Variants in MAPK10 observed in about 807,000 individuals in gnomAD.
MAPK10 encodes the protein mitogen-activated protein kinase 10, also known as JNK3 alpha protein kinase.
In MAPK10, 25 loss-of-function variants were observed where a neutral mutation model predicts 59.3. That is an observed-to-expected ratio of 0.42 (90% CI 0.31 to 0.59). The LOEUF is 0.59. MAPK10 is among the 20% of genes least tolerant of loss of function. The pLI is 0.15. For synonymous variants in MAPK10, 190 were observed against 200.5 expected, an observed-to-expected ratio of 0.95 and a Z score of 0.44; for missense variants, 351 against 568.9, an observed-to-expected ratio of 0.62 and a Z score of 3.90.
In MAPK10 at chr4:86,442,146, A is replaced by T. The variant is rs370893010; in HGVS notation, c.-122+10884T>A. On this transcript the variant is annotated intron_variant, in intron 1 of 13. Transcript: ENST00000361569. ...TTCATGGCATTTTTCAAATAAAATG[A>T]CAGCTAGAGTAAAGAATGCGAATAG... is the stretch of plus-strand genomic sequence containing the variant. 1.7e-4 allele frequency among the ~76,000 whole-genome samples: 26 copies of T among 152,328 alleles called. No individual in the cohort carries two copies. In the East Asian group the frequency reaches 3.3e-3, roughly 19 times the overall value.
intron 1 of MAPK10, among the ~76,000 whole-genome samples, chr4:86,577,711 C>A (rs755133954): frequency 6.6e-6 from 1 of 152,124 alleles, no homozygotes; most frequent in Non-Finnish European, 1.5e-5. Context: ...AATCCAAATA[C>A]TCTATGCAAC....
intron 9 of MAPK10, among the ~76,000 whole-genome samples, chr4:86,079,274 C>T (rs1000040569): frequency 3.3e-5 from 5 of 152,154 alleles, no homozygotes; most frequent in African/African-American, 4.8e-5. Flanking sequence ...CATGGAATAT[C>T]CAAAGGCTGT....
At chr4:86,351,208 G>A (rs1731147274) in intron 2 of MAPK10, among the ~76,000 whole-genome samples, 1 of 151,260 alleles carries the variant, frequency 6.6e-6, no homozygotes, top group African/African-American at 2.4e-5. Flanking sequence ...TACAATACCT[G>A]GACTTTATAA....
At chr4:86,366,760 C>T (rs1677273520) in intron 1 of MAPK10, among the ~76,000 whole-genome samples, 1 of 152,152 alleles carries the variant, frequency 6.6e-6, no homozygotes. Context: ...AATGAAGGTG[C>T]TGAAGAACAC....
chr4:86,089,206 G>C, intron 9 of MAPK10: 1 of 1,609,438 alleles, frequency 6.2e-7, no homozygotes, highest in Non-Finnish European at 8.5e-7. Context: ...AGAAGGATAC[G>C]ATCAGTGCCA....
intron 2 of MAPK10, among the ~76,000 whole-genome samples, chr4:86,209,479 T>G (rs1399244011): frequency 6.6e-6 from 1 of 151,978 alleles, no homozygotes; most frequent in Non-Finnish European, 1.5e-5. Context: ...ATCCTCAGTA[T>G]GAAGAAAGCC....
rs1192998662 is a variant in MAPK10, at chr4:86,592,520, A to G, written c.-263+1390T>C. 2.0e-5 allele frequency among the ~76,000 whole-genome samples: 3 copies of G among 152,346 alleles called. No homozygotes were observed. In the East Asian group the frequency reaches 5.8e-4, roughly 29 times the overall value. On this transcript the variant is annotated intron_variant, in intron 1 of 4. Coordinates refer to the MAPK10 transcript ENST00000502302. ...ATTAAGGATATTGCTTTTCTTTCCA[A>G]TAAATACATGAACTTTCTTTCAGAG...
In MAPK10 at chr4:86,366,263, T is replaced by C. The variant is rs543360083; in HGVS notation, c.-121-11619A>G. Reference sequence around the variant, plus strand: ...GGAGGAGGCAAACAGTCAAGGACCATGTTGATAGCAAGAGGGAAATTTCTA... The same window carrying C: ...GGAGGAGGCAAACAGTCAAGGACCACGTTGATAGCAAGAGGGAAATTTCTA... On this transcript the variant is annotated intron_variant, in intron 1 of 13. Coordinates refer to the MAPK10 transcript ENST00000361569. Among the ~76,000 whole-genome samples, 3 of 152,206 alleles carry C rather than the reference T, an allele frequency of 2.0e-5. No individual in the cohort carries two copies. In the East Asian group the frequency reaches 5.8e-4, roughly 29 times the overall value.
At chr4:86,541,142 G>C (rs1168296811) in intron 1 of MAPK10, among the ~76,000 whole-genome samples, 1 of 152,120 alleles carries the variant, frequency 6.6e-6, no homozygotes, top group East Asian at 1.9e-4. Flanking sequence ...ATCTTGAAAG[G>C]GGCATGGGAG....
chr4:86,260,352 CAT>C (rs1240254120), intron 2 of MAPK10, among the ~76,000 whole-genome samples: 3 of 151,998 alleles, frequency 2.0e-5, no homozygotes, highest in Admixed American at 6.6e-5. Flanking sequence ...TCAAATGTAA[CAT>C]GTGGAATTAT....
In MAPK10 at chr4:86,277,419, AT is replaced by A. The variant is rs201652196; in HGVS notation, c.-7+77110del. Among the ~76,000 whole-genome samples, 1,288 of 152,218 alleles carry A rather than the reference AT, an allele frequency of 8.5e-3. 12 individuals are homozygous for A. Among genetic ancestry groups the A allele is most frequent in the African/African-American group, 0.028 (1,181 of 41,518 alleles). ...GTTCTTTTTATTTTTATGATTTCTAATATATTAATGTTAAAATTAAAATCCA... is the reference window on the plus strand; with the variant it reads ...GTTCTTTTTATTTTTATGATTTCTAAATATTAATGTTAAAATTAAAATCCA... On this transcript the variant is annotated intron_variant, in intron 2 of 13. Coordinates refer to ENST00000641462, the MANE Select transcript of MAPK10 (RefSeq NM_138982.4).
intron 1 of MAPK10, among the ~76,000 whole-genome samples, chr4:86,414,023 G>A (rs575337041): frequency 3.3e-5 from 5 of 152,276 alleles, no homozygotes; most frequent in South Asian, 2.1e-4. Context: ...GCTGAAGACC[G>A]GAGCTGTTCC....
At chr4:86,306,226 A>G (rs1228639885) in intron 2 of MAPK10, among the ~76,000 whole-genome samples, 1 of 152,230 alleles carries the variant, frequency 6.6e-6, no homozygotes, top group Admixed American at 6.5e-5. Context: ...ATGTTTTAAA[A>G]TGTGTGAGAA....
chr4:86,282,193 A>G (rs534617400), intron 2 of MAPK10, among the ~76,000 whole-genome samples: 20 of 152,328 alleles, frequency 1.3e-4, no homozygotes, highest in African/African-American at 4.8e-4. Flanking sequence ...CTAAGATTTC[A>G]TAAGAAACTA....
chr4:86,021,684 T>C (rs6531891), intron 13 of MAPK10, among the ~76,000 whole-genome samples: 37,445 of 152,224 alleles, frequency 0.25, 5,961 homozygotes, highest in African/African-American at 0.46. Context: ...AGGCTCGGGC[T>C]GCACAGGAGC....
At chr4:86,050,766 A>G (rs1345216365) in intron 11 of MAPK10, among the ~76,000 whole-genome samples, 3 of 152,146 alleles carry the variant, frequency 2.0e-5, no homozygotes, top group African/African-American at 7.2e-5. Flanking sequence ...AAGAGGCATG[A>G]GCAGGCCTAC....
At chr4:86,103,075 C>CTGTGTGTGTGTGTG (rs10681488) in intron 6 of MAPK10, 111 bp downstream of exon 6, 6,352 of 497,902 alleles carry the variant, frequency 0.013, 71 homozygotes, top group African/African-American at 0.032. Flanking sequence ...GATTTCAACT[C>CTGTGTGTGTGTGTG]TGTGTGTGTG....
At chr4:86,232,273 A>T (rs1182546088) in intron 2 of MAPK10, among the ~76,000 whole-genome samples, 1 of 152,248 alleles carries the variant, frequency 6.6e-6, no homozygotes, top group Non-Finnish European at 1.5e-5. Context: ...GTTTGTTTAG[A>T]TTCTATGCAG....
intron 2 of MAPK10, among the ~76,000 whole-genome samples, chr4:86,229,843 C>T (rs533474442): frequency 2.0e-4 from 31 of 152,080 alleles, no homozygotes; most frequent in Middle Eastern, 3.4e-3. Flanking sequence ...ATTACTTGAG[C>T]CCAGGAGTTC....
Sources: allele counts gnomAD v4.1 joint callset (sites outside exome capture counted in the v4.1 genomes callset), GRCh38; gene constraint gnomAD v4.1.1; transcripts MANE v1.5; gene names NCBI Gene and HGNC (gene_info 2026-07-23, HGNC 2026-07-21).